The following SEPTIN11 variants were observed in gnomAD, a reference collection of about 807,000 sequenced individuals.
SEPTIN11 encodes septin-11.
In SEPTIN11, 25 loss-of-function variants were observed where a neutral mutation model predicts 51.4. That is an observed-to-expected ratio of 0.49 (90% CI 0.35 to 0.68). The LOEUF is 0.68. SEPTIN11 is among the 30% of genes least tolerant of loss of function. The pLI is 0.00. For missense variants in SEPTIN11, 381 were observed against 520.8 expected (o/e 0.73, Z 2.61); for synonymous variants, 174 against 184.1 (o/e 0.95, Z 0.44).
At chr4:77,028,785 G>C (rs1726378289) in intron 8 of SEPTIN11, 24 bp downstream of exon 8, 1 of 1,591,602 alleles carries the variant, frequency 6.3e-7, no homozygotes, top group Non-Finnish European at 8.5e-7. Flanking sequence ...CCTGCTTCAA[G>C]GGAAAGATTT....
intron 2 of SEPTIN11, among the ~76,000 whole-genome samples, chr4:77,003,561 T>C (rs908295688): frequency 6.6e-6 from 1 of 152,196 alleles, no homozygotes; most frequent in Admixed American, 6.5e-5. Context: ...TCTGTGATCT[T>C]AGATGTTCAG....
chr4:77,027,790 G>A (rs1411292521), intron 7 of SEPTIN11, among the ~76,000 whole-genome samples: 1 of 152,160 alleles, frequency 6.6e-6, no homozygotes, highest in Non-Finnish European at 1.5e-5. Flanking sequence ...TTCTTAAGCT[G>A]TGTTACCAAA....
At chr4:77,018,357 G>A (rs1165520109) in intron 5 of SEPTIN11, among the ~76,000 whole-genome samples, 1 of 151,968 alleles carries the variant, frequency 6.6e-6, no homozygotes, top group Non-Finnish European at 1.5e-5. Context: ...GCTGAGGCAG[G>A]AGAATGGCGT....
At chr4:77,006,928 A>C (rs1297349286) in intron 3 of SEPTIN11, among the ~76,000 whole-genome samples, 1 of 152,210 alleles carries the variant, frequency 6.6e-6, no homozygotes, top group Admixed American at 6.5e-5. Context: ...TCTACAAAGC[A>C]CTTTAAATGC....
At chr4:76,969,327 G>C (rs986174301) in intron 1 of SEPTIN11, among the ~76,000 whole-genome samples, 2 of 152,124 alleles carry the variant, frequency 1.3e-5, no homozygotes, top group Non-Finnish European at 2.9e-5. Context: ...GACCAGTATT[G>C]AACTTTAGAC....
At position 77,036,539 on chromosome 4, in the gene SEPTIN11, TTTTGA is replaced by T; in HGVS notation, c.*2030_*2034del. The T allele has an allele frequency of 7.2e-7, 1 of 1,397,532 alleles. No homozygotes were observed. The highest frequency in any genetic ancestry group is 3.2e-5 in the Admixed American group (1 of 31,404). The allele number at this position is 1,397,532 out of a possible 1,614,324, so 86.6% of individuals were successfully genotyped here. ...AACAACGAAAGGCATCCAGCTGACT[TTTTGA>T]TTCCAAGATTATTGATTGGATTGAC... On this transcript the variant is annotated 3_prime_UTR_variant, in exon 10 of 10. Transcript: ENST00000264893.
rs1196428306 is a variant in SEPTIN11 at position 77,024,221 on chromosome 4, G to T, written c.953+3551G>T. Among the ~76,000 whole-genome samples the T allele has an allele frequency of 6.6e-6, 1 of 152,154 alleles. No homozygotes were observed. Among genetic ancestry groups the T allele is most frequent in the Admixed American group, 6.5e-5 (1 of 15,276 alleles). On this transcript the variant is annotated intron_variant, in intron 7 of 9. Transcript: ENST00000264893. The surrounding 1 kb of genome is among the most constrained non-coding windows in gnomAD (Gnocchi z 4.2). ...CACGGCAGTAAAGCTAGCGGAGCCC[G>T]TCCCTGGGGTGCCTTTAAACCCGCC... is the stretch of plus-strand genomic sequence containing the variant.
At position 77,018,443 on chromosome 4, in the gene SEPTIN11, C is replaced by T. The variant is rs1017950791; in HGVS notation, c.688-722C>T. Among the ~76,000 whole-genome samples the T allele has an allele frequency of 7.1e-5, 9 of 126,272 alleles. No homozygotes were observed. The South Asian group carries it at 9.7e-4, about 14-fold the overall frequency. 82.8% of individuals were successfully genotyped at this position (126,272 alleles called of 152,430 possible). A position where few individuals can be genotyped will look rare whatever the true frequency, so the allele number is the denominator to read the frequency against. On this transcript the variant is annotated intron_variant, in intron 5 of 9. Transcript: ENST00000264893. ...CAGCCTGGGCAACAGAGCGAGACTC[C>T]ATCTCAAAAAAAAAAAAAAAGATAT...
intron 5 of SEPTIN11, among the ~76,000 whole-genome samples, chr4:77,016,619 TATATATATATACAC>T (rs1393070419): frequency 5.2e-4 from 44 of 84,854 alleles, no homozygotes; most frequent in African/African-American, 2.1e-3. Context: ...TATACACATA[TATATATATATACAC>T]ATATATATAT....
chr4:76,954,296 G>A (rs895225922), intron 1 of SEPTIN11, among the ~76,000 whole-genome samples: 2 of 152,302 alleles, frequency 1.3e-5, no homozygotes, highest in African/African-American at 4.8e-5. Flanking sequence ...GATAGACGCT[G>A]CTCTTGGATT....
At chr4:76,979,758 G>T (rs115296938) in intron 1 of SEPTIN11, among the ~76,000 whole-genome samples, 2 of 151,752 alleles carry the variant, frequency 1.3e-5, no homozygotes, top group East Asian at 1.9e-4. Context: ...GCTGGTGGGC[G>T]CCTGTAATCC....
intron 3 of SEPTIN11, among the ~76,000 whole-genome samples, chr4:77,010,610 G>T (rs944323485): frequency 1.4e-4 from 21 of 151,864 alleles, no homozygotes; most frequent in African/African-American, 4.8e-4. Context: ...TTTATTTTGG[G>T]GATGTTTGTT....
chr4:76,989,249 C>T (rs1470067564), intron 1 of SEPTIN11, among the ~76,000 whole-genome samples: 5 of 151,994 alleles, frequency 3.3e-5, no homozygotes, highest in African/African-American at 9.7e-5. Context: ...TAAAAATCTC[C>T]AGCTCTCCAC....
chr4:76,990,965 A>G (rs1723345074), intron 1 of SEPTIN11, among the ~76,000 whole-genome samples: 1 of 152,196 alleles, frequency 6.6e-6, no homozygotes, highest in Admixed American at 6.5e-5. Flanking sequence ...CTCTTTAGGA[A>G]TGGATTTTCT....
intron 1 of SEPTIN11, among the ~76,000 whole-genome samples, chr4:76,995,091 A>T (rs570954552): frequency 1.7e-4 from 25 of 151,456 alleles, no homozygotes; most frequent in African/African-American, 6.0e-4. Flanking sequence ...TCTCTAAAAA[A>T]AAAAAAAAAT....
intron 1 of SEPTIN11, 44 bp from the exon 2 acceptor site, chr4:76,996,381 G>T: frequency 7.8e-7 from 1 of 1,287,218 alleles, no homozygotes; most frequent in Middle Eastern, 1.9e-4. Context: ...TATCCAGGTG[G>T]CATGGTTCAT....
intron 7 of SEPTIN11, 104 bp downstream of exon 7, chr4:77,020,774 G>C (rs1725664103): frequency 9.3e-7 from 1 of 1,079,350 alleles, no homozygotes; most frequent in African/African-American, 1.6e-5. Context: ...ATGATGGAAG[G>C]ATCTGGTGGG....
At chr4:76,999,256 G>T (rs77524686) in intron 2 of SEPTIN11, among the ~76,000 whole-genome samples, 3 of 152,046 alleles carry the variant, frequency 2.0e-5, no homozygotes, top group Non-Finnish European at 4.4e-5. Flanking sequence ...ATCAAATCCC[G>T]TTGCCATACA....
chr4:77,032,987 T>C (rs1306375818), intron 9 of SEPTIN11, among the ~76,000 whole-genome samples: 1 of 152,188 alleles, frequency 6.6e-6, no homozygotes, highest in African/African-American at 2.4e-5. Flanking sequence ...TATTTATATA[T>C]TCTCATTTAT....
Sources: allele counts gnomAD v4.1 joint callset (sites outside exome capture counted in the v4.1 genomes callset), GRCh38; gene constraint gnomAD v4.1.1; non-coding constraint Gnocchi (gnomAD v3.1); transcripts MANE v1.5; gene names NCBI Gene and HGNC (gene_info 2026-07-23, HGNC 2026-07-21).